LRRC57: variants seen among roughly 807,000 people sequenced by gnomAD.
LRRC57 encodes leucine-rich repeat-containing protein 57.
In LRRC57, 14 loss-of-function variants were observed where a neutral mutation model predicts 23.1. The observed-to-expected ratio is 0.61, with a 90% CI of 0.40 to 0.95. The LOEUF (loss-of-function observed/expected upper bound fraction) is 0.95. Ranked by LOEUF, LRRC57 falls within the 40% of genes least tolerant of loss-of-function variation. The pLI, the probability that LRRC57 is intolerant of heterozygous loss-of-function variation, is 0.00. For missense variants in LRRC57, 236 were observed against 284.4 expected, an observed-to-expected ratio of 0.83 and a Z score of 1.22; for synonymous variants, 106 against 115.2, an observed-to-expected ratio of 0.92 and a Z score of 0.51.
the LRRC57 span, among the ~76,000 whole-genome samples, chr15:42,530,793 A>C: frequency 2.0e-5 from 3 of 152,210 alleles, no homozygotes; most frequent in African/African-American, 7.2e-5. Flanking sequence ...TTAAAATCTC[A>C]GTGAACTTTA....
Position 42,541,626 on chromosome 15 carries a change from T to A in LRRC57, c.*2457A>T, listed in dbSNP as rs986420284. The A allele has an allele frequency of 6.6e-6, 1 of 152,222 alleles. No homozygotes were observed. Among genetic ancestry groups the A allele is most frequent in the South Asian group, 2.1e-4 (1 of 4,832 alleles). The allele number at this position is 152,222 out of a possible 1,614,324, so 9.4% of individuals were successfully genotyped here. On this transcript the variant is annotated 3_prime_UTR_variant, in exon 6 of 6. Coordinates refer to ENST00000397130, the MANE Select transcript of LRRC57 (RefSeq NM_153260.3). ...TTAATGGATAAGCTAGGTTTAACCATTATTGAGAACTGTTGATATATAGTT... is the reference window on the plus strand; with the variant it reads ...TTAATGGATAAGCTAGGTTTAACCAATATTGAGAACTGTTGATATATAGTT...
At chr15:42,528,464 T>G in the LRRC57 span, 1 of 1,577,702 alleles carries the variant, frequency 6.3e-7, no homozygotes, top group South Asian at 1.1e-5. Context: ...TCTTAATGAA[T>G]GGTTCACTTA....
At chr15:42,547,733 GTGTATAATGGGCTCCTTT>G (rs2057668366) in intron 3 of LRRC57, 3 of 583,198 alleles carry the variant, frequency 5.1e-6, no homozygotes, top group Non-Finnish European at 8.9e-6. Context: ...GAGCATTTGT[GTGTATAATGGGCTCCTTT>G]TGTAAAGGGG....
rs1237061423 is a variant in LRRC57, at chr15:42,542,059, T to TCAGATTCTCTTAATAAGCA, written c.*2023_*2024insTGCTTATTAAGAGAATCTG. The TCAGATTCTCTTAATAAGCA allele has an allele frequency of 8.2e-6, 1 of 122,298 alleles. No individual in the cohort carries two copies. Among genetic ancestry groups the TCAGATTCTCTTAATAAGCA allele is most frequent in the Admixed American group, 7.8e-5 (1 of 12,786 alleles). 7.6% of individuals were successfully genotyped at this position (122,298 alleles called of 1,614,324 possible). A position where few individuals can be genotyped will look rare whatever the true frequency, so the allele number is the denominator to read the frequency against. ...CAGGCGTGAGCCACCGCGCCCGGCC[T>TCAGATTCTCTTAATAAGCA]TTTTTTTTTTTTTTGAGACGCAGTC... On this transcript the variant is annotated 3_prime_UTR_variant, in exon 6 of 6. Coordinates refer to ENST00000397130, the MANE Select transcript of LRRC57 (RefSeq NM_153260.3).
chr15:42,547,565 A>C (rs1430300652), intron 3 of LRRC57, 36 bp from the exon 4 acceptor site: 1 of 1,572,796 alleles, frequency 6.4e-7, no homozygotes, highest in East Asian at 2.3e-5. Context: ...CCTGAATGTG[A>C]TAGAGCTGAA....
downstream of LRRC57, among the ~76,000 whole-genome samples, chr15:42,535,913 C>CA (rs576618479): frequency 6.6e-6 from 1 of 152,058 alleles, no homozygotes; most frequent in African/African-American, 2.4e-5. Context: ...ACCGTTTCTA[C>CA]AAAAAAATTT....
In LRRC57 at chr15:42,543,993, C is replaced by T; in HGVS notation, c.*90G>A. 2.1e-6 allele frequency: 2 copies of T among 966,808 alleles called. No homozygotes were observed. Among genetic ancestry groups the T allele is most frequent in the South Asian group, 1.4e-5 (1 of 70,566 alleles). The allele number at this position is 966,808 out of a possible 1,614,324, so 59.9% of individuals were successfully genotyped here. ...GTATCATCTCCTTACTGTAGATACC[C>T]CTAACAACAACAGGAGGCTTTGACT... On this transcript the variant is annotated 3_prime_UTR_variant, in exon 6 of 6. Transcript: ENST00000397130.
downstream of LRRC57, among the ~76,000 whole-genome samples, chr15:42,535,808 G>C (rs1007157008): frequency 8.3e-4 from 127 of 152,200 alleles, no homozygotes; most frequent in African/African-American, 3.0e-3. Context: ...GGCCCAAGGA[G>C]AGGAAAGTGA....
chr15:42,545,367 T>C (rs2057654366), intron 4 of LRRC57, 105 bp from the exon 5 acceptor site: 2 of 715,182 alleles, frequency 2.8e-6, no homozygotes, highest in African/African-American at 1.9e-5. Flanking sequence ...CTATTTGTTC[T>C]AGTTTTCCCC....
chr15:42,539,805 T>C lies in LRRC57; in HGVS notation c.*4278A>G, dbSNP rs1042849798. 1 of 152,144 alleles carries C rather than the reference T, an allele frequency of 6.6e-6. No homozygotes were observed. The highest frequency in any genetic ancestry group is 2.4e-5 in the African/African-American group (1 of 41,418). The allele number at this position is 152,144 out of a possible 1,614,324, so 9.4% of individuals were successfully genotyped here. On this transcript the variant is annotated 3_prime_UTR_variant, in exon 6 of 6. Transcript: ENST00000397130. ...GTTAGTCTATCATGAAAGATAAATA[T>C]AGAATGTGAGAAGTGCTATAGTAAC... is the stretch of plus-strand genomic sequence containing the variant.
chr15:42,547,937 A>G, intron 3 of LRRC57, 169 bp downstream of exon 3: 1 of 648,246 alleles, frequency 1.5e-6, no homozygotes, highest in Non-Finnish European at 2.6e-6. Flanking sequence ...TATAAGGCTT[A>G]TTTTAGATGT....
chr15:42,547,693 AG>A (rs1182970388), intron 3 of LRRC57, 164 bp from the exon 4 acceptor site: 10 of 670,566 alleles, frequency 1.5e-5, no homozygotes, highest in Non-Finnish European at 2.5e-5. Context: ...CATAGTCTTT[AG>A]AAGGTGAGGG....
In LRRC57 at chr15:42,542,764, C is replaced by T. The variant is rs75705010; in HGVS notation, c.*1319G>A. On this transcript the variant is annotated 3_prime_UTR_variant, in exon 6 of 6. Coordinates refer to ENST00000397130, the MANE Select transcript of LRRC57 (RefSeq NM_153260.3). Reference sequence around the variant, plus strand: ...TGTTGCATATACAGTTTTGGCTCTTCAGAGCCCTCTACCAATAAGGCACCT... The same window carrying T: ...TGTTGCATATACAGTTTTGGCTCTTTAGAGCCCTCTACCAATAAGGCACCT... The T allele has an allele frequency of 0.12, 18,877 of 152,654 alleles. 1,421 individuals carry two copies. Among genetic ancestry groups the T allele is most frequent in the East Asian group, 0.21 (1,092 of 5,174 alleles). The allele number at this position is 152,654 out of a possible 1,614,324, so 9.5% of individuals were successfully genotyped here. A position where few individuals can be genotyped will look rare whatever the true frequency, so the allele number is the denominator to read the frequency against.
Position 42,548,768 on chromosome 15 carries a change from C to G in LRRC57, c.-98G>C. 1.2e-6 allele frequency: 1 copy of G among 821,270 alleles called. No homozygotes were observed. Among genetic ancestry groups the G allele is most frequent in the Non-Finnish European group, 1.9e-6 (1 of 521,490 alleles). 50.9% of individuals were successfully genotyped at this position (821,270 alleles called of 1,614,324 possible). ...GCAGTAGCCGGGATGCGCTCCCCGG[C>G]TTAGTCCCGGGCGGGAACGCCCTGT... On this transcript the variant is annotated 5_prime_UTR_variant, in exon 1 of 6. Coordinates refer to ENST00000397130, the MANE Select transcript of LRRC57 (RefSeq NM_153260.3).
Position 42,542,811 on chromosome 15 carries a change from C to T in LRRC57, c.*1272G>A, listed in dbSNP as rs1355616746. ...ACCTGCAATAGTAGATAATTTGCTA[C>T]CGCAGCCTTAGAGAGCAGTTCTTAG... On this transcript the variant is annotated 3_prime_UTR_variant, in exon 6 of 6. Coordinates refer to ENST00000397130, the MANE Select transcript of LRRC57 (RefSeq NM_153260.3). 1 of 152,638 alleles carries T rather than the reference C, an allele frequency of 6.6e-6. No individual in the cohort carries two copies. Among genetic ancestry groups the T allele is most frequent in the Non-Finnish European group, 1.5e-5 (1 of 68,040 alleles). 9.5% of individuals were successfully genotyped at this position (152,638 alleles called of 1,614,324 possible). A position where few individuals can be genotyped will look rare whatever the true frequency, so the allele number is the denominator to read the frequency against.
downstream of LRRC57, among the ~76,000 whole-genome samples, chr15:42,534,628 T>G (rs1026376039): frequency 2.0e-5 from 3 of 152,196 alleles, no homozygotes; most frequent in Admixed American, 2.0e-4. Flanking sequence ...TTTATGACAT[T>G]TATTTCTTAA....
In LRRC57 at chr15:42,541,743, C is replaced by T. The variant is rs1417982192; in HGVS notation, c.*2340G>A. The T allele has an allele frequency of 6.6e-6, 1 of 151,670 alleles. No individual in the cohort carries two copies. The highest frequency in any genetic ancestry group is 1.9e-4 in the East Asian group (1 of 5,166). 9.4% of individuals were successfully genotyped at this position (151,670 alleles called of 1,614,324 possible). A position where few individuals can be genotyped will look rare whatever the true frequency, so the allele number is the denominator to read the frequency against. ...GTTAGTGGTAGTCTGAAATCCTCTA[C>T]CTTTGTACCTTCAGATTCTTTTTTT... is the stretch of plus-strand genomic sequence containing the variant. On this transcript the variant is annotated 3_prime_UTR_variant, in exon 6 of 6. Coordinates refer to ENST00000397130, the MANE Select transcript of LRRC57 (RefSeq NM_153260.3).
downstream of LRRC57, among the ~76,000 whole-genome samples, chr15:42,535,522 T>G (rs1477275017): frequency 6.6e-6 from 1 of 151,688 alleles, no homozygotes; most frequent in Non-Finnish European, 1.5e-5. Flanking sequence ...CTCAGCTCAC[T>G]GCAACCTCTG....
At chr15:42,544,614 G>A (rs2057647143) in intron 5 of LRRC57, among the ~76,000 whole-genome samples, 1 of 151,944 alleles carries the variant, frequency 6.6e-6, no homozygotes, top group Non-Finnish European at 1.5e-5. Flanking sequence ...CTTCAGCCCA[G>A]GAGTTTGAGA....
Sources: gnomAD v4.1 joint callset for allele counts (sites outside exome capture counted in the v4.1 genomes callset) on GRCh38, gnomAD v4.1.1 for gene constraint, MANE v1.5 for transcripts, NCBI Gene and HGNC (gene_info 2026-07-23, HGNC 2026-07-21) for gene names.